The following CREB5 variants were observed in gnomAD, a reference collection of about 807,000 sequenced individuals.
CREB5 encodes the protein cAMP responsive element binding protein 5.
CREB5 carries 19 observed loss-of-function variants against 57.1 expected under a neutral mutation model. The ratio of observed to expected loss-of-function variants is 0.33; its 90% confidence interval spans 0.23 to 0.49. CREB5 has a LOEUF of 0.49. Among genes scored for constraint, CREB5 ranks in the 20% least tolerant of loss-of-function variants. The probability of loss-of-function intolerance (pLI) is 0.99; values close to 1 mark genes in which losing one functional copy is unlikely to be tolerated. For missense variants in CREB5, 579 were observed against 671.6 expected, an observed-to-expected ratio of 0.86 and a Z score of 1.52; for synonymous variants, 238 against 238.3, an observed-to-expected ratio of 1.00 and a Z score of 0.01.
intron 5 of CREB5, among the ~76,000 whole-genome samples, chr7:28,668,045 G>A (rs1394103979): frequency 1.3e-5 from 2 of 152,112 alleles, no homozygotes; most frequent in African/African-American, 4.8e-5. Flanking sequence ...GTACTACAGA[G>A]TTGTATACAA....
chr7:28,775,254 T>C (rs1161392313), intron 7 of CREB5, among the ~76,000 whole-genome samples: 1 of 152,162 alleles, frequency 6.6e-6, no homozygotes, highest in African/African-American at 2.4e-5. Flanking sequence ...GTTGAAATTC[T>C]GACTCTTTTA....
intron 5 of CREB5, among the ~76,000 whole-genome samples, chr7:28,612,529 C>G (rs986020749): frequency 6.9e-6 from 1 of 145,622 alleles, no homozygotes; most frequent in African/African-American, 2.6e-5. Flanking sequence ...GTATTCCTGG[C>G]CATTTAGAGA....
chr7:28,446,717 G>T (rs185862060), intron 1 of CREB5, among the ~76,000 whole-genome samples: 1 of 152,132 alleles, frequency 6.6e-6, no homozygotes, highest in Non-Finnish European at 1.5e-5. Flanking sequence ...GCGTGAACCC[G>T]GGAGGTGGAG....
intron 7 of CREB5, among the ~76,000 whole-genome samples, chr7:28,725,686 A>G (rs1249135034): frequency 6.6e-6 from 1 of 151,964 alleles, no homozygotes; most frequent in African/African-American, 2.4e-5. Flanking sequence ...AAAGAAAAGA[A>G]AGAAAAGAAA....
chr7:28,721,498 C>T (rs1412826984), intron 6 of CREB5, among the ~76,000 whole-genome samples: 2 of 152,082 alleles, frequency 1.3e-5, no homozygotes, highest in African/African-American at 4.8e-5. Context: ...GAGACGCTTC[C>T]CCTAGAGTTT....
At chr7:28,561,611 G>A (rs534333169) in intron 4 of CREB5, among the ~76,000 whole-genome samples, 44 of 152,224 alleles carry the variant, frequency 2.9e-4, no homozygotes, top group Admixed American at 5.2e-4. Context: ...GCTTGCTGAA[G>A]ATCAGACATC....
At chr7:28,798,175 A>G (rs1442828795) in intron 7 of CREB5, among the ~76,000 whole-genome samples, 3 of 152,202 alleles carry the variant, frequency 2.0e-5, no homozygotes, top group Non-Finnish European at 2.9e-5. Flanking sequence ...ACCTTTCTGG[A>G]AAGAATACTC....
chr7:28,736,992 G>A (rs547486699), intron 7 of CREB5, among the ~76,000 whole-genome samples: 24 of 152,156 alleles, frequency 1.6e-4, no homozygotes, highest in Middle Eastern at 3.4e-3. Context: ...TGGAGGGCCA[G>A]GCTGATCATC....
At chr7:28,776,133 C>A (rs1229248869) in intron 7 of CREB5, among the ~76,000 whole-genome samples, 1 of 151,830 alleles carries the variant, frequency 6.6e-6, no homozygotes, top group African/African-American at 2.4e-5. Flanking sequence ...GTCAGGAGAT[C>A]GAGACCATCC....
At chr7:28,750,925 T>TA (rs2128763308) in intron 7 of CREB5, among the ~76,000 whole-genome samples, 1 of 152,282 alleles carries the variant, frequency 6.6e-6, no homozygotes, top group Admixed American at 6.5e-5. Flanking sequence ...AACATAGGCC[T>TA]AATTACCCCT....
intron 5 of CREB5, among the ~76,000 whole-genome samples, chr7:28,602,155 C>A (rs1180740520): frequency 6.6e-6 from 1 of 152,092 alleles, no homozygotes; most frequent in Non-Finnish European, 1.5e-5. Context: ...TTGAAATGGT[C>A]TCACTCTGTC....
At chr7:28,618,129 G>A (rs1797661749) in intron 5 of CREB5, among the ~76,000 whole-genome samples, 4 of 152,172 alleles carry the variant, frequency 2.6e-5, no homozygotes, top group Non-Finnish European at 5.9e-5. Context: ...AAATTGGATA[G>A]AACTTCAGCT....
At chr7:28,613,780 G>A (rs1418653445) in intron 5 of CREB5, among the ~76,000 whole-genome samples, 2 of 152,076 alleles carry the variant, frequency 1.3e-5, no homozygotes, top group Non-Finnish European at 2.9e-5. Context: ...TGGCCTCCGC[G>A]GTAATTCACA....
Position 28,412,810 on chromosome 7 carries a change from T to C in CREB5, c.-105T>C, listed in dbSNP as rs776571661. Reference sequence around the variant, plus strand: ...AGGCAAATACTCAAGACTTATTTTCTTCCTAATCTTGCTGGTGAAACAGAA... The same window carrying C: ...AGGCAAATACTCAAGACTTATTTTCCTCCTAATCTTGCTGGTGAAACAGAA... On this transcript the variant is annotated 5_prime_UTR_variant, in exon 1 of 11. Transcript: ENST00000357727. The C allele has an allele frequency of 1.4e-4, 152 of 1,079,618 alleles. No homozygotes were observed. The highest frequency in any genetic ancestry group is 1.9e-4 in the Non-Finnish European group (149 of 771,430). The allele number at this position is 1,079,618 out of a possible 1,614,324, so 66.9% of individuals were successfully genotyped here. A position where few individuals can be genotyped will look rare whatever the true frequency, so the allele number is the denominator to read the frequency against.
chr7:28,510,878 T>C (rs1443492530), intron 4 of CREB5, among the ~76,000 whole-genome samples: 1 of 152,240 alleles, frequency 6.6e-6, no homozygotes, highest in Non-Finnish European at 1.5e-5. Flanking sequence ...TGTAATTCAC[T>C]ATCAGGTATC....
At chr7:28,437,846 T>C (rs1789021784) in intron 1 of CREB5, among the ~76,000 whole-genome samples, 1 of 152,164 alleles carries the variant, frequency 6.6e-6, no homozygotes, top group Admixed American at 6.5e-5. Context: ...CTATTCTTTG[T>C]ATGATGTATT....
intron 1 of CREB5, among the ~76,000 whole-genome samples, chr7:28,303,594 C>T (rs1345812683): frequency 6.6e-6 from 1 of 152,136 alleles, no homozygotes; most frequent in Non-Finnish European, 1.5e-5. Flanking sequence ...CAAATATTTG[C>T]ATGGTTGCTG....
chr7:28,746,358 C>A (rs1417765402), intron 7 of CREB5, among the ~76,000 whole-genome samples: 1 of 152,158 alleles, frequency 6.6e-6, no homozygotes, highest in Non-Finnish European at 1.5e-5. Context: ...CGTTTCAATA[C>A]CACAAAGGCT....
At chr7:28,694,357 C>T (rs774905610) in intron 5 of CREB5, among the ~76,000 whole-genome samples, 1 of 152,134 alleles carries the variant, frequency 6.6e-6, no homozygotes, top group Non-Finnish European at 1.5e-5. Context: ...GCAGTGGCCT[C>T]TCTATAGCCA....
Sources: allele counts gnomAD v4.1 joint callset (sites outside exome capture counted in the v4.1 genomes callset), GRCh38; gene constraint gnomAD v4.1.1; transcripts MANE v1.5; gene names NCBI Gene and HGNC (gene_info 2026-07-23, HGNC 2026-07-21).